The following FBXL17 variants were observed in gnomAD, a reference collection of about 807,000 sequenced individuals.
The protein encoded by FBXL17 is F-box/LRR-repeat protein 17.
FBXL17 carries 22 observed loss-of-function variants against 66.2 expected under a neutral mutation model. The ratio of observed to expected loss-of-function variants is 0.33; its 90% confidence interval spans 0.24 to 0.47. The LOEUF is 0.47. Among genes scored for constraint, FBXL17 ranks in the 20% least tolerant of loss-of-function variants. The pLI, the probability that FBXL17 is intolerant of heterozygous loss-of-function variation, is 1.00. For missense variants in FBXL17, 878 were observed against 948.2 expected, an observed-to-expected ratio of 0.93 and a Z score of 0.97; for synonymous variants, 474 against 400.5, an observed-to-expected ratio of 1.18 and a Z score of -2.19.
At chr5:108,080,639 A>G (rs1748724956) in intron 6 of FBXL17, among the ~76,000 whole-genome samples, 1 of 152,214 alleles carries the variant, frequency 6.6e-6, no homozygotes, top group South Asian at 2.1e-4. Flanking sequence ...GACATCAATC[A>G]ATATATGTAA....
intron 4 of FBXL17, among the ~76,000 whole-genome samples, chr5:108,301,769 C>G (rs554685073): frequency 4.0e-5 from 6 of 151,488 alleles, no homozygotes; most frequent in Non-Finnish European, 8.9e-5. Context: ...CCATTTAGGA[C>G]AACCATCAAA....
intron 4 of FBXL17, chr5:108,302,119 T>G: frequency 1.6e-6 from 1 of 617,702 alleles, no homozygotes; most frequent in Non-Finnish European, 2.0e-6. Flanking sequence ...AGGCTACTTT[T>G]TCTGAAAATA....
At chr5:108,195,481 T>C (rs769784408) in intron 5 of FBXL17, among the ~76,000 whole-genome samples, 2 of 152,188 alleles carry the variant, frequency 1.3e-5, no homozygotes, top group African/African-American at 4.8e-5. Context: ...GCAGGAGACA[T>C]GGTCAAAGAG....
chr5:108,324,897 G>A (rs1759779600), intron 4 of FBXL17, among the ~76,000 whole-genome samples: 1 of 152,078 alleles, frequency 6.6e-6, no homozygotes, highest in South Asian at 2.1e-4. Context: ...GCAATGCTGT[G>A]TGATTATAAT....
chr5:108,112,559 G>T (rs1161327516), intron 6 of FBXL17, among the ~76,000 whole-genome samples: 1 of 152,080 alleles, frequency 6.6e-6, no homozygotes, highest in Non-Finnish European at 1.5e-5. Context: ...TGGTCATCTG[G>T]TCAAAATTAC....
At position 108,381,793 on chromosome 5, in the gene FBXL17, G is replaced by T; in HGVS notation, c.-102C>A. The stretch of plus-strand genomic sequence containing the variant: ...GCCGCTCGCTGGCTCGGCCCCCGGA[G>T]GGGTCGCCCTTCCTGCGCACACACA... On this transcript the variant is annotated 5_prime_UTR_variant, in exon 1 of 9. Transcript: ENST00000542267. 26 of 1,355,548 alleles carry T rather than the reference G, an allele frequency of 1.9e-5. No individual in the cohort carries two copies. Among genetic ancestry groups the T allele is most frequent in the Non-Finnish European group, 2.5e-5 (26 of 1,058,656 alleles). The allele number at this position is 1,355,548 out of a possible 1,614,324, so 84.0% of individuals were successfully genotyped here. A position where few individuals can be genotyped will look rare whatever the true frequency, so the allele number is the denominator to read the frequency against.
chr5:108,236,682 A>G (rs1755618675), intron 4 of FBXL17, among the ~76,000 whole-genome samples: 1 of 152,212 alleles, frequency 6.6e-6, no homozygotes, highest in East Asian at 1.9e-4. Flanking sequence ...TTCCACCCTC[A>G]ATGAAAAAGA....
intron 6 of FBXL17, among the ~76,000 whole-genome samples, chr5:108,063,989 T>G (rs1748023038): frequency 6.6e-6 from 1 of 152,188 alleles, no homozygotes; most frequent in Admixed American, 6.5e-5. Context: ...CAGCTTTTTA[T>G]AGTTTTAATT....
At chr5:108,041,000 G>A (rs977968989) in intron 6 of FBXL17, among the ~76,000 whole-genome samples, 7 of 152,140 alleles carry the variant, frequency 4.6e-5, no homozygotes, top group African/African-American at 1.7e-4. Flanking sequence ...TGTAATGTAT[G>A]AATACAGACC....
intron 4 of FBXL17, among the ~76,000 whole-genome samples, chr5:108,261,264 G>A (rs1756809163): frequency 6.6e-6 from 1 of 151,898 alleles, no homozygotes; most frequent in African/African-American, 2.4e-5. Flanking sequence ...ATGGTGAGAA[G>A]AGGGAGGTTG....
At chr5:107,923,689 C>T (rs1187093261) in intron 7 of FBXL17, among the ~76,000 whole-genome samples, 1 of 152,034 alleles carries the variant, frequency 6.6e-6, no homozygotes, top group East Asian at 1.9e-4. Flanking sequence ...AATATTGTTC[C>T]CTAAAACACT....
chr5:108,202,599 C>A (rs1753941798), intron 5 of FBXL17, among the ~76,000 whole-genome samples: 1 of 152,060 alleles, frequency 6.6e-6, no homozygotes, highest in South Asian at 2.1e-4. Context: ...TCTATCTATA[C>A]TATATTTTTT....
At chr5:107,912,842 C>G (rs1580706533) in intron 7 of FBXL17, among the ~76,000 whole-genome samples, 1 of 151,992 alleles carries the variant, frequency 6.6e-6, no homozygotes, top group South Asian at 2.1e-4. Flanking sequence ...CAATTTGGTG[C>G]CCCAAGAACC....
chr5:108,375,899 T>C (rs943039128), intron 1 of FBXL17, among the ~76,000 whole-genome samples: 3 of 152,014 alleles, frequency 2.0e-5, no homozygotes, highest in African/African-American at 7.3e-5. Context: ...ATCCACAGTA[T>C]AGTAGAAGGG....
chr5:108,020,124 T>C (rs1260399946), intron 7 of FBXL17, among the ~76,000 whole-genome samples: 1 of 151,890 alleles, frequency 6.6e-6, no homozygotes, highest in Non-Finnish European at 1.5e-5. Flanking sequence ...GATTATTAAC[T>C]TCCCTCAAGG....
chr5:108,302,689 A>C lies in FBXL17; in HGVS notation c.1506+45710T>G, dbSNP rs556378554. Reference sequence around the variant, plus strand: ...TGTTTTCTATTTTCTTAAATATTTCAATATAAAATGTTCAGCCACTGACAG... The same window carrying C: ...TGTTTTCTATTTTCTTAAATATTTCCATATAAAATGTTCAGCCACTGACAG... On this transcript the variant is annotated intron_variant, in intron 4 of 8. Transcript: ENST00000542267. Among the ~76,000 whole-genome samples the C allele has an allele frequency of 1.8e-4, 27 of 151,996 alleles. No homozygotes were observed. The South Asian group carries it at 4.3e-3, about 24-fold the overall frequency.
intron 5 of FBXL17, among the ~76,000 whole-genome samples, chr5:108,213,586 C>T (rs989589088): frequency 6.6e-6 from 1 of 152,146 alleles, no homozygotes; most frequent in African/African-American, 2.4e-5. Context: ...CAATGCCCCA[C>T]CCTGCTTCAG....
chr5:107,882,823 C>G (rs989389237), intron 7 of FBXL17, among the ~76,000 whole-genome samples: 1 of 152,158 alleles, frequency 6.6e-6, no homozygotes, highest in Non-Finnish European at 1.5e-5. Flanking sequence ...CCAAAGATGA[C>G]AAAGCACCAC....
In FBXL17 at chr5:108,291,476, T is replaced by C. The variant is rs192802043; in HGVS notation, c.1506+56923A>G. On this transcript the variant is annotated intron_variant, in intron 4 of 8. Coordinates refer to ENST00000542267, the MANE Select transcript of FBXL17 (RefSeq NM_001163315.3). ...GAATCTCAAACAGTTGCCTTAAGTG[T>C]GAAATAGGCTCTACACAGGCATTTA... 1.4e-3 allele frequency among the ~76,000 whole-genome samples: 206 copies of C among 152,024 alleles called. 7 individuals carry two copies. In the South Asian group the frequency reaches 0.041, roughly 30 times the overall value.
Sources: allele counts gnomAD v4.1 joint callset (sites outside exome capture counted in the v4.1 genomes callset), GRCh38; gene constraint gnomAD v4.1.1; transcripts MANE v1.5; gene names NCBI Gene and HGNC (gene_info 2026-07-23, HGNC 2026-07-21).